Variants in PAG1 observed in about 807,000 individuals in gnomAD.
PAG1 encodes phosphoprotein membrane anchor with glycosphingolipid microdomains 1, also known as phosphoprotein associated with glycosphingolipid-enriched microdomains 1.
Under a neutral mutation model 31.7 loss-of-function variants are expected in PAG1, and 23 were observed. The ratio of observed to expected loss-of-function variants is 0.73; its 90% CI spans 0.52 to 1.03. The LOEUF (loss-of-function observed/expected upper bound fraction) is 1.03. Ranked by LOEUF, PAG1 falls within the 50% of genes least tolerant of loss-of-function variation. PAG1 has a pLI of 0.00. For synonymous variants in PAG1, 214 were observed against 210.3 expected, an observed-to-expected ratio of 1.02 and a Z score of -0.15; for missense variants, 473 against 540.7, an observed-to-expected ratio of 0.87 and a Z score of 1.24.
intron 2 of PAG1, among the ~76,000 whole-genome samples, chr8:81,042,628 G>A (rs1338199624): frequency 1.3e-5 from 2 of 152,020 alleles, no homozygotes; most frequent in Non-Finnish European, 2.9e-5. Flanking sequence ...GTGGGTAGGT[G>A]TATGTGTGTG....
rs564935398 is a variant in PAG1 at position 81,072,848 on chromosome 8, C to T, written c.-233-2678G>A. Among the ~76,000 whole-genome samples the T allele has an allele frequency of 3.3e-5, 5 of 152,244 alleles. No homozygotes were observed. The East Asian group carries it at 9.6e-4, about 29-fold the overall frequency. Reference sequence around the variant, plus strand: ...AAAAAGCACCTGTTGTATTCTCAGCCCTGCATGAGGTCAGTTATCTCATCC... The same window carrying T: ...AAAAAGCACCTGTTGTATTCTCAGCTCTGCATGAGGTCAGTTATCTCATCC... On this transcript the variant is annotated intron_variant, in intron 1 of 8. Coordinates refer to ENST00000220597, the MANE Select transcript of PAG1 (RefSeq NM_018440.4).
chr8:81,054,841 G>A (rs895434543), intron 2 of PAG1, among the ~76,000 whole-genome samples: 3 of 152,028 alleles, frequency 2.0e-5, no homozygotes, highest in Non-Finnish European at 2.9e-5. Flanking sequence ...CCAAGGAGTC[G>A]GCCCTATACT....
chr8:80,986,915 G>A (rs1807436308), intron 6 of PAG1, among the ~76,000 whole-genome samples: 1 of 152,118 alleles, frequency 6.6e-6, no homozygotes, highest in Non-Finnish European at 1.5e-5. Flanking sequence ...TTTTAGCCCA[G>A]TGAGACCCAT....
intron 2 of PAG1, among the ~76,000 whole-genome samples, chr8:81,061,800 C>T (rs1350131243): frequency 6.6e-6 from 1 of 152,078 alleles, no homozygotes; most frequent in East Asian, 1.9e-4. Context: ...GTTTCCTGAG[C>T]CATGGATGCT....
At chr8:81,092,951 C>T (rs1175081237) in intron 1 of PAG1, among the ~76,000 whole-genome samples, 1 of 152,194 alleles carries the variant, frequency 6.6e-6, no homozygotes, top group Non-Finnish European at 1.5e-5. Flanking sequence ...ATGATATAGG[C>T]AAGTCACACC....
intron 3 of PAG1, among the ~76,000 whole-genome samples, chr8:81,001,461 C>T (rs1281284199): frequency 2.0e-5 from 3 of 152,168 alleles, no homozygotes; most frequent in Non-Finnish European, 4.4e-5. Flanking sequence ...CACAAGGAAC[C>T]TACAAAAGCC....
intron 8 of PAG1, among the ~76,000 whole-genome samples, chr8:80,977,762 A>G (rs972811676): frequency 6.6e-6 from 1 of 152,248 alleles, no homozygotes; most frequent in Admixed American, 6.5e-5. Context: ...TAAATCCTGT[A>G]TCACCTCCGA....
At chr8:81,082,907 A>G (rs1014471774) in intron 1 of PAG1, among the ~76,000 whole-genome samples, 1 of 148,158 alleles carries the variant, frequency 6.7e-6, no homozygotes, top group African/African-American at 2.5e-5. Flanking sequence ...GCCTCTGTTG[A>G]CTGCTTTTTT....
intron 2 of PAG1, among the ~76,000 whole-genome samples, chr8:81,034,310 A>G (rs1808427706): frequency 6.6e-6 from 1 of 152,182 alleles, no homozygotes; most frequent in African/African-American, 2.4e-5. Flanking sequence ...TGATTGAGTG[A>G]ATTCATTTTA....
chr8:80,998,212 C>A (rs1045611970), intron 3 of PAG1, among the ~76,000 whole-genome samples: 3 of 147,402 alleles, frequency 2.0e-5, no homozygotes, highest in African/African-American at 7.6e-5. Context: ...TCACTGCAAC[C>A]TTCGCTTCCT....
chr8:81,079,733 T>G (rs1443144835), intron 1 of PAG1, among the ~76,000 whole-genome samples: 2 of 151,200 alleles, frequency 1.3e-5, no homozygotes, highest in African/African-American at 4.9e-5. Flanking sequence ...TTATTATGCG[T>G]ATCGCATGCC....
intron 3 of PAG1, among the ~76,000 whole-genome samples, chr8:80,996,374 G>A (rs1260160855): frequency 6.6e-6 from 1 of 152,174 alleles, no homozygotes; most frequent in Admixed American, 6.5e-5. Context: ...CTTGGTGGAC[G>A]GTTCCCATTT....
chr8:81,004,164 C>T (rs1194764859), intron 3 of PAG1, among the ~76,000 whole-genome samples: 1 of 152,110 alleles, frequency 6.6e-6, no homozygotes, highest in East Asian at 1.9e-4. Flanking sequence ...GGACAGGTAA[C>T]GCAGAAAGAA....
chr8:81,012,698 A>G (rs1808005492), intron 3 of PAG1, among the ~76,000 whole-genome samples: 1 of 152,242 alleles, frequency 6.6e-6, no homozygotes, highest in Non-Finnish European at 1.5e-5. Context: ...ATCAGATACC[A>G]GCTGTCCATT....
At chr8:81,057,073 G>C (rs140838301) in intron 2 of PAG1, among the ~76,000 whole-genome samples, 2,668 of 152,262 alleles carry the variant, frequency 0.018, 83 homozygotes, top group African/African-American at 0.06. Context: ...GGAAACAACA[G>C]GTGCTGGAGA....
Position 81,042,218 on chromosome 8 carries a change from T to A in PAG1, c.-174-12129A>T, listed in dbSNP as rs558164115. Among the ~76,000 whole-genome samples the A allele has an allele frequency of 2.6e-5, 4 of 152,082 alleles. No individual in the cohort carries two copies. In the East Asian group the frequency reaches 7.7e-4, roughly 29 times the overall value. On this transcript the variant is annotated intron_variant, in intron 2 of 8. Coordinates refer to ENST00000220597, the MANE Select transcript of PAG1 (RefSeq NM_018440.4). ...CATCAGAGTGTCATAGAAAACAGAG[T>A]CTATGCCTCACCAGTCAAGGCTCTT...
rs551536263 is a variant in PAG1 at position 81,036,937 on chromosome 8, A to C, written c.-174-6848T>G. 5.3e-5 allele frequency: 8 copies of C among 152,244 alleles called. No homozygotes were observed. The South Asian group carries it at 1.7e-3, about 32-fold the overall frequency. The allele number at this position is 152,244 out of a possible 1,614,324, so 9.4% of individuals were successfully genotyped here. On this transcript the variant is annotated intron_variant, in intron 2 of 8. Transcript: ENST00000220597. The stretch of plus-strand genomic sequence containing the variant: ...ATGCAAAGCAGCAGTCCATTAAAAG[A>C]GGGTTTTCTGGGTTTTATTTTTTTT...
chr8:80,983,380 CT>C (rs1807347310), intron 7 of PAG1, among the ~76,000 whole-genome samples: 1 of 152,134 alleles, frequency 6.6e-6, no homozygotes, highest in Non-Finnish European at 1.5e-5. Flanking sequence ...AAACTTTAAA[CT>C]TTATGTCTGT....
At chr8:81,032,051 G>A (rs529869901) in intron 2 of PAG1, among the ~76,000 whole-genome samples, 10 of 152,140 alleles carry the variant, frequency 6.6e-5, no homozygotes, top group Middle Eastern at 3.4e-3. Context: ...AACTCAGACC[G>A]CAGAAAAAGT....
Sources: gnomAD v4.1 joint callset for allele counts (sites outside exome capture counted in the v4.1 genomes callset) on GRCh38, gnomAD v4.1.1 for gene constraint, MANE v1.5 for transcripts, NCBI Gene and HGNC (gene_info 2026-07-23, HGNC 2026-07-21) for gene names.